Variants in CACNA1C observed in about 807,000 individuals in gnomAD.
CACNA1C encodes voltage-dependent L-type calcium channel subunit alpha-1C.
CACNA1C carries 30 observed loss-of-function variants against 229.0 expected under a neutral mutation model. The observed-to-expected ratio is 0.13, with a 90% CI of 0.10 to 0.18. CACNA1C has a LOEUF of 0.18. CACNA1C is among the 10% of genes least tolerant of loss of function. The probability of loss-of-function intolerance (pLI) is 1.00; values close to 1 mark genes in which losing one functional copy is unlikely to be tolerated. For synonymous variants in CACNA1C, 1,114 were observed against 1,132.5 expected (o/e 0.98, Z 0.33); for missense variants, 1,658 against 2,845.0 (o/e 0.58, Z 9.49).
At chr12:2,645,510 C>T (rs969391047) in intron 30 of CACNA1C, among the ~76,000 whole-genome samples, 5 of 152,130 alleles carry the variant, frequency 3.3e-5, no homozygotes, top group African/African-American at 1.2e-4. Flanking sequence ...CCTGGGATAC[C>T]ACAGATGTCC....
chr12:2,388,714 G>A (rs1180221151), intron 3 of CACNA1C, among the ~76,000 whole-genome samples: 1 of 152,146 alleles, frequency 6.6e-6, no homozygotes, highest in African/African-American at 2.4e-5. Context: ...TCATCTTTGG[G>A]TTTGTGGAGT....
chr12:2,194,734 T>C (rs1190298059), intron 3 of CACNA1C, among the ~76,000 whole-genome samples: 1 of 152,156 alleles, frequency 6.6e-6, no homozygotes, highest in Non-Finnish European at 1.5e-5. Context: ...CATCTTCCCA[T>C]GCAGGAACGT....
In CACNA1C at chr12:2,215,447, A is replaced by G. The variant is rs1352448483; in HGVS notation, c.477+95017A>G. 6.6e-6 allele frequency among the ~76,000 whole-genome samples: 1 copy of G among 151,836 alleles called. No individual in the cohort carries two copies. The highest frequency in any genetic ancestry group is 1.5e-5 in the Non-Finnish European group (1 of 67,976). On this transcript the variant is annotated intron_variant, in intron 3 of 46. Transcript: ENST00000399655. This position sits in a 1 kb window ranked among gnomAD's most constrained non-coding sequence, Gnocchi z 5.0. ...AGTGGGGCCTGTTCCTCTGGGTGGG[A>G]TGCGCTCTCCCTCCTCCTAGGCTTG... is the stretch of plus-strand genomic sequence containing the variant.
At chr12:2,186,896 A>G (rs572329876) in intron 3 of CACNA1C, among the ~76,000 whole-genome samples, 1 of 152,216 alleles carries the variant, frequency 6.6e-6, no homozygotes, top group South Asian at 2.1e-4. Context: ...TATCTTAAAC[A>G]TATGTGACAC....
chr12:1,997,786 C>A (rs73045442), intron 1 of CACNA1C: 7,325 of 671,176 alleles, frequency 0.011, 74 homozygotes, highest in Non-Finnish European at 0.014. Flanking sequence ...GTATTCCCTT[C>A]TTCGTGTCAA....
intron 1 of CACNA1C, among the ~76,000 whole-genome samples, chr12:2,103,113 C>T (rs1018338760): frequency 3.9e-5 from 6 of 152,186 alleles, no homozygotes; most frequent in African/African-American, 1.4e-4. Flanking sequence ...AATGGGATTG[C>T]TGGGTCAAAT....
chr12:1,999,851 C>T (rs937456241), intron 1 of CACNA1C, among the ~76,000 whole-genome samples: 2 of 152,134 alleles, frequency 1.3e-5, no homozygotes, highest in African/African-American at 4.8e-5. Context: ...TATAAATCAC[C>T]ACAACATACT....
intron 9 of CACNA1C, among the ~76,000 whole-genome samples, chr12:2,527,937 T>A (rs1388422606): frequency 1.3e-5 from 2 of 152,216 alleles, no homozygotes; most frequent in African/African-American, 4.8e-5. Flanking sequence ...CAATAAAAAC[T>A]GCAGAGTTTC....
chr12:2,586,494 T>G (rs1601187615), intron 18 of CACNA1C, among the ~76,000 whole-genome samples: 1 of 152,230 alleles, frequency 6.6e-6, no homozygotes, highest in Admixed American at 6.5e-5. Flanking sequence ...CCCTCCAGGC[T>G]TCACTTCCCT....
chr12:1,987,192 T>C (rs993882173), intron 1 of CACNA1C, among the ~76,000 whole-genome samples: 1 of 152,234 alleles, frequency 6.6e-6, no homozygotes, highest in African/African-American at 2.4e-5. Context: ...CTAAGGAAAT[T>C]ATATTCTTGG....
At chr12:2,667,322 G>A (rs1468875) in intron 37 of CACNA1C, among the ~76,000 whole-genome samples, 117,974 of 144,832 alleles carry the variant, frequency 0.81, 47,951 homozygotes, top group Middle Eastern at 0.9. Context: ...TGGCCATTCC[G>A]TGCTCCTTGT....
chr12:2,191,476 A>G (rs989685304), intron 3 of CACNA1C, among the ~76,000 whole-genome samples: 1 of 152,132 alleles, frequency 6.6e-6, no homozygotes, highest in Non-Finnish European at 1.5e-5. Flanking sequence ...GCTGTGGATT[A>G]ACCCAGACAT....
chr12:2,325,312 A>G (rs1318032031), intron 3 of CACNA1C, among the ~76,000 whole-genome samples: 2 of 152,252 alleles, frequency 1.3e-5, no homozygotes, highest in Non-Finnish European at 2.9e-5. Flanking sequence ...ACTCTCTGAT[A>G]CAGTGAGAAT....
Position 2,467,151 on chromosome 12 carries a change from C to G in CACNA1C, c.757+9445C>G, listed in dbSNP as rs2099557491. On this transcript the variant is annotated intron_variant, in intron 5 of 46. Transcript: ENST00000399655. The surrounding 1 kb of genome is among the most constrained non-coding windows in gnomAD (Gnocchi z 4.6). ...CCTGCCCGCCCATCGGAGATGGTCC[C>G]TACAACATCTTCTAAGCCCTTTCCC... Among the ~76,000 whole-genome samples, 1 of 152,146 alleles carries G rather than the reference C, an allele frequency of 6.6e-6. No homozygotes were observed. Among genetic ancestry groups the G allele is most frequent in the South Asian group, 2.1e-4 (1 of 4,832 alleles).
intron 43 of CACNA1C, among the ~76,000 whole-genome samples, chr12:2,682,912 A>G (rs2097247325): frequency 7.9e-6 from 1 of 126,114 alleles, no homozygotes; most frequent in African/African-American, 3.1e-5. Context: ...CAACACACAC[A>G]TACACGATGC....
intron 1 of CACNA1C, among the ~76,000 whole-genome samples, chr12:1,983,951 A>G (rs2036900910): frequency 6.6e-6 from 1 of 151,940 alleles, no homozygotes; most frequent in Non-Finnish European, 1.5e-5. Context: ...TGCCTTTTGG[A>G]TGACTTTATC....
chr12:2,017,425 A>G (rs954114930), intron 1 of CACNA1C, among the ~76,000 whole-genome samples: 6 of 152,226 alleles, frequency 3.9e-5, no homozygotes, highest in African/African-American at 1.4e-4. Context: ...TATGGGTTTC[A>G]GAATGATACA....
chr12:2,652,686 G>A (rs910945179), intron 32 of CACNA1C, among the ~76,000 whole-genome samples: 3 of 152,208 alleles, frequency 2.0e-5, no homozygotes, highest in Non-Finnish European at 4.4e-5. Flanking sequence ...CTCCTGCCAG[G>A]GACTGACCAT....
intron 1 of CACNA1C, among the ~76,000 whole-genome samples, chr12:2,112,514 G>A (rs1246976903): frequency 2.6e-5 from 4 of 152,192 alleles, no homozygotes; most frequent in South Asian, 2.1e-4. Flanking sequence ...TATATGGTGA[G>A]GTGAGAGTCG....
Sources: allele counts gnomAD v4.1 joint callset (sites outside exome capture counted in the v4.1 genomes callset), GRCh38; gene constraint gnomAD v4.1.1; non-coding constraint Gnocchi (gnomAD v3.1); transcripts MANE v1.5; gene names NCBI Gene and HGNC (gene_info 2026-07-23, HGNC 2026-07-21).